NTS: variants seen among roughly 807,000 people sequenced by gnomAD.
NTS encodes the protein neurotensin.
A neutral mutation model predicts 19.5 loss-of-function variants in NTS; 20 were observed. The observed-to-expected ratio is 1.02, with a 90% confidence interval of 0.72 to 1.49. The LOEUF is 1.49. Ranked by LOEUF, NTS falls within the 40% of genes most tolerant of loss-of-function variation. The probability of loss-of-function intolerance (pLI) is 0.00; values close to 1 mark genes in which losing one functional copy is unlikely to be tolerated. For missense variants in NTS, 215 were observed against 193.1 expected (o/e 1.11, Z -0.67); for synonymous variants, 71 against 63.3 (o/e 1.12, Z -0.58).
At chr12:85,879,381 AT>A (rs373011489) in intron 3 of NTS, among the ~76,000 whole-genome samples, 29 of 32 alleles carry the variant, frequency 0.91, 14 homozygotes, top group South Asian at 1. Flanking sequence ...TATAAAATAT[AT>A]TTTTATGTAT....
Position 85,878,330 on chromosome 12 carries a change from T to A in NTS, c.136-15T>A. 6.5e-7 allele frequency: 1 copy of A among 1,543,818 alleles called. No individual in the cohort carries two copies. Among genetic ancestry groups the A allele is most frequent in the Non-Finnish European group, 8.8e-7 (1 of 1,140,018 alleles). ...CACAAGTTTTAATTGCAGGGGTTTT[T>A]TTAATATATTTCAGATTAGTAAAGC... On this transcript the variant is annotated splice_polypyrimidine_tract_variant and intron_variant, in intron 2 of 3. Coordinates refer to ENST00000256010, the MANE Select transcript of NTS (RefSeq NM_006183.5).
chr12:85,878,023 T>C (rs187813809), intron 2 of NTS: 2 of 169,440 alleles, frequency 1.2e-5, no homozygotes, highest in African/African-American at 4.7e-5. Context: ...AATTTTTTAT[T>C]TTTAATTTTT....
At chr12:85,879,660 T>A (rs61400748) in intron 3 of NTS, among the ~76,000 whole-genome samples, 5 of 80,250 alleles carry the variant, frequency 6.2e-5, no homozygotes, top group Admixed American at 3.5e-4. Context: ...AATATATTTT[T>A]TGTATATTTT....
At chr12:85,878,835 A>T (rs1881406627) in intron 3 of NTS, among the ~76,000 whole-genome samples, 1 of 152,030 alleles carries the variant, frequency 6.6e-6, no homozygotes, top group Non-Finnish European at 1.5e-5. Context: ...ATTATGCTTA[A>T]GTGGATGGCA....
intron 1 of NTS, among the ~76,000 whole-genome samples, chr12:85,874,710 C>T (rs1235907168): frequency 6.6e-6 from 1 of 152,078 alleles, no homozygotes; most frequent in Non-Finnish European, 1.5e-5. Flanking sequence ...AAACACTGCA[C>T]GACCTCCTTT....
intron 3 of NTS, among the ~76,000 whole-genome samples, chr12:85,881,737 C>A (rs1395497381): frequency 6.6e-6 from 1 of 152,080 alleles, no homozygotes; most frequent in African/African-American, 2.4e-5. Flanking sequence ...GTTTTCATGT[C>A]AAATCAGTAA....
Position 85,874,429 on chromosome 12 carries a change from T to A in NTS, c.26T>A (p.Leu9His), listed in dbSNP as rs1411685413. 7 of 1,613,484 alleles carry A rather than the reference T, an allele frequency of 4.3e-6. No individual in the cohort carries two copies. The South Asian group carries it at 6.6e-5, about 15-fold the overall frequency. Residue 9 changes from leucine (L) to histidine (H), a missense_variant, in exon 1 of 4, where the codon CTT becomes CAT. Physicochemically the swap from Leu to His is moderately conservative, Grantham distance 99. Coordinates refer to ENST00000256010, the MANE Select transcript of NTS (RefSeq NM_006183.5). ...ATGATGGCAGGAATGAAAATCCAGC[T>A]TGTATGCATGCTACTCCTGGCTTTC... MMAGMKIQ[L>H]VCMLLLAFSS... is the part of the protein sequence containing the mutation.
At chr12:85,876,858 G>A (rs1881357702) in intron 2 of NTS, among the ~76,000 whole-genome samples, 157 bp downstream of exon 2, 1 of 151,780 alleles carries the variant, frequency 6.6e-6, no homozygotes, top group Non-Finnish European at 1.5e-5. Context: ...TTAGTTAAAA[G>A]AAGTTAAAGG....
At chr12:85,875,609 T>G (rs1881324133) in intron 1 of NTS, among the ~76,000 whole-genome samples, 1 of 152,084 alleles carries the variant, frequency 6.6e-6, no homozygotes, top group African/African-American at 2.4e-5. Context: ...ATCTGAAAGT[T>G]ATATGAGATT....
chr12:85,879,051 AT>A (rs1192195997), intron 3 of NTS, among the ~76,000 whole-genome samples: 1 of 148,328 alleles, frequency 6.7e-6, no homozygotes, highest in African/African-American at 2.4e-5. Flanking sequence ...TGTACATAAA[AT>A]ATATTTTTAT....
chr12:85,882,074 A>G (rs1375204245), intron 3 of NTS, 149 bp from the exon 4 acceptor site: 4 of 618,670 alleles, frequency 6.5e-6, no homozygotes, highest in Non-Finnish European at 1.1e-5. Context: ...CTCCTTTGAA[A>G]AAACAATTTC....
intron 1 of NTS, 54 bp downstream of exon 1, chr12:85,874,530 G>T (rs1345761198): frequency 1.7e-6 from 2 of 1,204,366 alleles, no homozygotes; most frequent in Non-Finnish European, 2.5e-6. Flanking sequence ...TTTCTCTTTT[G>T]CAGTGTGTTG....
chr12:85,880,379 T>A (rs529919696), intron 3 of NTS, among the ~76,000 whole-genome samples: 6 of 152,190 alleles, frequency 3.9e-5, no homozygotes, highest in African/African-American at 1.4e-4. Flanking sequence ...AAGGGAAACA[T>A]TTCTTTCAAA....
chr12:85,879,136 T>G (rs1385300529), intron 3 of NTS, among the ~76,000 whole-genome samples: 1 of 144,778 alleles, frequency 6.9e-6, no homozygotes, highest in Non-Finnish European at 1.5e-5. Context: ...ATGTATATTT[T>G]ATGTACGTAA....
In NTS at chr12:85,874,383, G is replaced by C; in HGVS notation, c.-21G>C. ...GTGTGCTTCTGACTTTTACGGACTTGGCTTGTTAGAAGGCTGAAAGATGAT... is the reference window on the plus strand; with the variant it reads ...GTGTGCTTCTGACTTTTACGGACTTCGCTTGTTAGAAGGCTGAAAGATGAT... On this transcript the variant is annotated 5_prime_UTR_variant, in exon 1 of 4. Transcript: ENST00000256010. 6.2e-7 allele frequency: 1 copy of C among 1,600,184 alleles called. No homozygotes were observed. The highest frequency in any genetic ancestry group is 2.2e-5 in the East Asian group (1 of 44,780).
Position 85,882,376 on chromosome 12 carries a change from G to A in NTS, c.*1G>A. 3 of 1,543,568 alleles carry A rather than the reference G, an allele frequency of 1.9e-6. No individual in the cohort carries two copies. On this transcript the variant is annotated 3_prime_UTR_variant, in exon 4 of 4. Transcript: ENST00000256010. ...CAAAAGAGATTCTTACTATTACTGA[G>A]AGAATAAATCATTTATTTACATGTG...
At position 85,880,366 on chromosome 12, in the gene NTS, G is replaced by T. The variant is rs1044413199; in HGVS notation, c.360+1797G>T. Among the ~76,000 whole-genome samples, 10 of 152,102 alleles carry T rather than the reference G, an allele frequency of 6.6e-5. No homozygotes were observed. In the East Asian group the frequency reaches 1.9e-3, roughly 29 times the overall value. The stretch of plus-strand genomic sequence containing the variant: ...TCAAAACAAATTTTTAAAAATTTTC[G>T]ACAAGGGAAACATTTCTTTCAAATT... On this transcript the variant is annotated intron_variant, in intron 3 of 3. Transcript: ENST00000256010.
At chr12:85,875,892 C>T (rs959269548) in intron 1 of NTS, among the ~76,000 whole-genome samples, 2 of 151,790 alleles carry the variant, frequency 1.3e-5, no homozygotes, top group African/African-American at 4.8e-5. Context: ...TCATTTTTAA[C>T]TTTATTTTTA....
At chr12:85,881,340 A>G (rs1209168730) in intron 3 of NTS, among the ~76,000 whole-genome samples, 4 of 152,080 alleles carry the variant, frequency 2.6e-5, no homozygotes, top group Non-Finnish European at 5.9e-5. Context: ...TGTTATAGTG[A>G]CCCCTCAAAT....
Sources: allele counts gnomAD v4.1 joint callset (sites outside exome capture counted in the v4.1 genomes callset), GRCh38; gene constraint gnomAD v4.1.1; transcripts MANE v1.5; gene names NCBI Gene and HGNC (gene_info 2026-07-23, HGNC 2026-07-21).